The following RNGTT variants were observed in gnomAD, a reference collection of about 807,000 sequenced individuals.
The protein encoded by RNGTT is RNA guanylyltransferase and 5'-phosphatase, also known as mRNA-capping enzyme.
Under a neutral mutation model 79.3 loss-of-function variants are expected in RNGTT, and 33 were observed. The ratio of observed to expected loss-of-function variants is 0.42; its 90% CI spans 0.32 to 0.56. The LOEUF (loss-of-function observed/expected upper bound fraction) is 0.56, where lower values mean the gene tolerates loss of function less well. Among genes scored for constraint, RNGTT ranks in the 20% least tolerant of loss-of-function variants. The pLI, the probability that RNGTT is intolerant of heterozygous loss-of-function variation, is 0.17. For missense variants in RNGTT, 497 were observed against 739.1 expected (o/e 0.67, Z 3.80); for synonymous variants, 222 against 235.9 (o/e 0.94, Z 0.54).
chr6:88,949,153 T>A (rs530023964), intron 1 of RNGTT, among the ~76,000 whole-genome samples: 99 of 18,092 alleles, frequency 5.5e-3, no homozygotes, highest in Non-Finnish European at 6.6e-3. Context: ...TAAAATAAAA[T>A]AAAATGAAAA....
At chr6:88,733,089 C>G (rs574930564) in intron 13 of RNGTT, among the ~76,000 whole-genome samples, 3 of 152,250 alleles carry the variant, frequency 2.0e-5, no homozygotes, top group Admixed American at 6.5e-5. Context: ...CAGGGTGCAG[C>G]AGTTCACACC....
chr6:88,832,482 T>C (rs1339421198), intron 11 of RNGTT, among the ~76,000 whole-genome samples: 1 of 152,126 alleles, frequency 6.6e-6, no homozygotes, highest in African/African-American at 2.4e-5. Context: ...ATAAAAACCC[T>C]GTAAGAAAAC....
At chr6:88,644,203 A>C (rs558374459) in intron 14 of RNGTT, among the ~76,000 whole-genome samples, 389 of 152,366 alleles carry the variant, frequency 2.6e-3, no homozygotes, top group African/African-American at 9.1e-3. Context: ...ACAAACTACC[A>C]TCAGAAAATA....
chr6:88,784,834 C>A lies in RNGTT; in HGVS notation c.1339-14960G>T, dbSNP rs138789700. 5.0e-3 allele frequency among the ~76,000 whole-genome samples: 760 copies of A among 152,074 alleles called. 5 individuals carry two copies. The highest frequency in any genetic ancestry group is 0.017 in the African/African-American group (703 of 41,456). ...TAACAAAATAGACATTAAAAATATA[C>A]CCGGACAAATTCTGAAAAGCAAAGT... On this transcript the variant is annotated intron_variant, in intron 12 of 15. Coordinates refer to ENST00000369485, the MANE Select transcript of RNGTT (RefSeq NM_003800.5).
chr6:88,614,973 C>A (rs192530073), intron 14 of RNGTT, among the ~76,000 whole-genome samples: 1 of 152,302 alleles, frequency 6.6e-6, no homozygotes, highest in African/African-American at 2.4e-5. Flanking sequence ...CAAACTAGTA[C>A]AAATTTACAG....
intron 4 of RNGTT, among the ~76,000 whole-genome samples, chr6:88,916,810 T>C (rs1018703755): frequency 6.6e-6 from 1 of 152,274 alleles, no homozygotes; most frequent in Non-Finnish European, 1.5e-5. Flanking sequence ...GATGCTAATC[T>C]GCCTATGTTG....
intron 13 of RNGTT, among the ~76,000 whole-genome samples, chr6:88,707,748 CTG>C (rs1197499862): frequency 7.3e-6 from 1 of 137,732 alleles, no homozygotes; most frequent in East Asian, 2.1e-4. Context: ...AAAAGGCAAA[CTG>C]TAAAAAATCC....
chr6:88,806,784 T>G (rs1241479115), intron 11 of RNGTT, among the ~76,000 whole-genome samples: 1 of 152,184 alleles, frequency 6.6e-6, no homozygotes, highest in Non-Finnish European at 1.5e-5. Context: ...TATAAAGATA[T>G]ATGCATGTGT....
intron 4 of RNGTT, among the ~76,000 whole-genome samples, chr6:88,914,874 A>G (rs1487053766): frequency 6.6e-6 from 1 of 152,238 alleles, no homozygotes; most frequent in African/African-American, 2.4e-5. Context: ...CAGACTATGT[A>G]TCTGAAAAAG....
chr6:88,771,253 A>ACTT (rs1433000380), intron 12 of RNGTT, among the ~76,000 whole-genome samples: 1 of 145,634 alleles, frequency 6.9e-6, no homozygotes, highest in Admixed American at 6.9e-5. Context: ...TATACAAACT[A>ACTT]CTTCAGCTTA....
intron 13 of RNGTT, among the ~76,000 whole-genome samples, chr6:88,699,710 C>T (rs1775880962): frequency 6.6e-6 from 1 of 152,074 alleles, no homozygotes; most frequent in African/African-American, 2.4e-5. Flanking sequence ...ACGTGGTATG[C>T]ACCTACAATG....
chr6:88,881,397 T>C (rs1179216270), intron 8 of RNGTT, among the ~76,000 whole-genome samples: 1 of 152,144 alleles, frequency 6.6e-6, no homozygotes, highest in Non-Finnish European at 1.5e-5. Context: ...GCTTGAAGTC[T>C]ATTTTCATCA....
intron 12 of RNGTT, 45 bp from the exon 13 acceptor site, chr6:88,769,919 A>C (rs776439739): frequency 1.5e-6 from 2 of 1,319,310 alleles, no homozygotes; most frequent in African/African-American, 2.9e-5. Flanking sequence ...AGAAGTTAAA[A>C]ATTAAACATT....
At chr6:88,938,129 C>G (rs1237354121) in intron 2 of RNGTT, among the ~76,000 whole-genome samples, 1 of 152,130 alleles carries the variant, frequency 6.6e-6, no homozygotes, top group African/African-American at 2.4e-5. Context: ...CAGTGGGGTG[C>G]TGAAGTCTCC....
intron 12 of RNGTT, among the ~76,000 whole-genome samples, chr6:88,794,141 T>C (rs994146789): frequency 1.2e-4 from 18 of 152,306 alleles, no homozygotes; most frequent in Admixed American, 1.1e-3. Flanking sequence ...AGATATTCAG[T>C]GGTGTCTGTT....
chr6:88,661,125 A>T (rs1774165874), intron 14 of RNGTT, among the ~76,000 whole-genome samples: 2 of 152,218 alleles, frequency 1.3e-5, no homozygotes, highest in South Asian at 4.1e-4. Flanking sequence ...TTGAATGATG[A>T]TAGTGACACA....
In RNGTT at chr6:88,698,269, GAT is replaced by G. The variant is rs1209677910; in HGVS notation, c.1440-19852_1440-19851del. On this transcript the variant is annotated intron_variant, in intron 13 of 15. Transcript: ENST00000369485. The stretch of plus-strand genomic sequence containing the variant: ...ATGAAATATATATATAAATATATAT[GAT>G]ATATATATTTCATATATATCATATA... Among the ~76,000 whole-genome samples, 493 of 77,144 alleles carry G rather than the reference GAT, an allele frequency of 6.4e-3. 24 individuals are homozygous for G. The highest frequency in any genetic ancestry group is 0.017 in the Middle Eastern group (2 of 116). The allele number at this position is 77,144 out of a possible 152,430, so 50.6% of individuals were successfully genotyped here.
intron 9 of RNGTT, 107 bp from the exon 10 acceptor site, chr6:88,849,933 A>G: frequency 9.3e-7 from 1 of 1,072,460 alleles, no homozygotes; most frequent in South Asian, 2.7e-5. Flanking sequence ...ATAAATATAC[A>G]ACTTGATGAA....
chr6:88,718,764 CTT>C (rs1776608279), intron 13 of RNGTT, among the ~76,000 whole-genome samples: 3 of 152,150 alleles, frequency 2.0e-5, no homozygotes, highest in African/African-American at 7.2e-5. Flanking sequence ...GCTGCCAACT[CTT>C]TTGCTATCTT....
Sources: allele counts gnomAD v4.1 joint callset (sites outside exome capture counted in the v4.1 genomes callset), GRCh38; gene constraint gnomAD v4.1.1; transcripts MANE v1.5; gene names NCBI Gene and HGNC (gene_info 2026-07-23, HGNC 2026-07-21).